The following USP15 variants were observed in gnomAD, a reference collection of about 807,000 sequenced individuals.
USP15 encodes ubiquitin specific peptidase 15, also known as ubiquitin carboxyl-terminal hydrolase 15.
In USP15, 18 loss-of-function variants were observed where a neutral mutation model predicts 127.1. The ratio of observed to expected loss-of-function variants is 0.14; its 90% CI spans 0.10 to 0.21. USP15 has a LOEUF of 0.21. Among genes scored for constraint, USP15 ranks in the 10% least tolerant of loss-of-function variants. The pLI, the probability that USP15 is intolerant of heterozygous loss-of-function variation, is 1.00. For missense variants in USP15, 805 were observed against 1,159.9 expected (o/e 0.69, Z 4.44); for synonymous variants, 364 against 393.7 (o/e 0.92, Z 0.89).
chr12:62,355,601 T>A, intron 8 of USP15, 126 bp downstream of exon 8: 2 of 1,053,026 alleles, frequency 1.9e-6, no homozygotes, highest in Non-Finnish European at 2.6e-6. Context: ...ATGGAAGATT[T>A]AAGCATACAT....
chr12:62,299,947 T>C (rs1020897963), intron 2 of USP15, among the ~76,000 whole-genome samples: 4 of 152,192 alleles, frequency 2.6e-5, no homozygotes, highest in African/African-American at 9.6e-5. Flanking sequence ...GTGCTTGTTA[T>C]ATATCTTTTT....
At chr12:62,281,144 G>A (rs2063634209) in intron 1 of USP15, among the ~76,000 whole-genome samples, 1 of 152,138 alleles carries the variant, frequency 6.6e-6, no homozygotes, top group Admixed American at 6.6e-5. Context: ...TTTCATAGAT[G>A]TAGAAGTATA....
intron 6 of USP15, among the ~76,000 whole-genome samples, chr12:62,338,480 A>T (rs1257573571): frequency 6.6e-6 from 1 of 152,020 alleles, no homozygotes; most frequent in Non-Finnish European, 1.5e-5. Context: ...CTTTAGTTTG[A>T]TTAGATCCCA....
At chr12:62,345,601 G>A (rs552411366) in intron 6 of USP15, among the ~76,000 whole-genome samples, 29 of 152,116 alleles carry the variant, frequency 1.9e-4, no homozygotes, top group African/African-American at 3.6e-4. Flanking sequence ...ACACATTTTC[G>A]GGTATCTTTT....
intron 1 of USP15, among the ~76,000 whole-genome samples, chr12:62,288,805 T>C (rs1199661958): frequency 6.6e-6 from 1 of 152,188 alleles, no homozygotes; most frequent in Non-Finnish European, 1.5e-5. Context: ...TCATGAGATG[T>C]TGAATTTTAC....
At chr12:62,349,343 G>T (rs1565877535) in intron 7 of USP15, 36 bp downstream of exon 7, 3 of 1,375,652 alleles carry the variant, frequency 2.2e-6, no homozygotes, top group South Asian at 1.5e-5. Context: ...TTGTTTAATT[G>T]ATCACCCTAT....
At chr12:62,361,375 C>G (rs1224126694) in intron 8 of USP15, among the ~76,000 whole-genome samples, 1 of 151,970 alleles carries the variant, frequency 6.6e-6, no homozygotes, top group African/African-American at 2.4e-5. Flanking sequence ...ATGTGTTTAT[C>G]TGTCCCTAAT....
At chr12:62,300,261 T>C (rs1488354050) in intron 2 of USP15, among the ~76,000 whole-genome samples, 1 of 152,182 alleles carries the variant, frequency 6.6e-6, no homozygotes, top group Non-Finnish European at 1.5e-5. Context: ...ACATTTTCTT[T>C]TACGAGTTTT....
chr12:62,296,886 C>T (rs1179064155), intron 2 of USP15, among the ~76,000 whole-genome samples: 1 of 152,168 alleles, frequency 6.6e-6, no homozygotes, highest in East Asian at 1.9e-4. Flanking sequence ...CTTCAGTGTA[C>T]TACCCAACAG....
At chr12:62,275,422 A>C (rs1322526952) in intron 1 of USP15, among the ~76,000 whole-genome samples, 1 of 151,916 alleles carries the variant, frequency 6.6e-6, no homozygotes, top group Non-Finnish European at 1.5e-5. Context: ...AAAGAATTAC[A>C]GAGGCTAATT....
chr12:62,368,331 C>T (rs188615744), intron 8 of USP15, among the ~76,000 whole-genome samples: 28 of 152,146 alleles, frequency 1.8e-4, no homozygotes, highest in Admixed American at 7.9e-4. Flanking sequence ...AGGTCTGCTT[C>T]GTCCAGAGCT....
rs1250639430 is a variant in USP15 at position 62,291,136 on chromosome 12, C to G, written c.90-3043C>G. Among the ~76,000 whole-genome samples, 3 of 152,154 alleles carry G rather than the reference C, an allele frequency of 2.0e-5. No homozygotes were observed. In the East Asian group the frequency reaches 5.8e-4, roughly 29 times the overall value. On this transcript the variant is annotated intron_variant, in intron 1 of 21. Coordinates refer to ENST00000280377, the MANE Select transcript of USP15 (RefSeq NM_001252078.2). ...CCTCTTACTCTGGATGTCTAGATCA[C>G]TTGCTGGACAAGAGAAGTTGGTTTT...
At chr12:62,288,106 G>GT (rs1447627441) in intron 1 of USP15, among the ~76,000 whole-genome samples, 1 of 151,970 alleles carries the variant, frequency 6.6e-6, no homozygotes, top group Non-Finnish European at 1.5e-5. Flanking sequence ...TTTTAGAATT[G>GT]TTTTTTCTAA....
In USP15 at chr12:62,389,422, G is replaced by A. The variant is rs1488952281; in HGVS notation, c.1474-9G>A. The A allele has an allele frequency of 1.9e-6, 3 of 1,593,354 alleles. No homozygotes were observed. The highest frequency in any genetic ancestry group is 1.8e-5 in the Admixed American group (1 of 55,034). On this transcript the variant is annotated splice_polypyrimidine_tract_variant and intron_variant, in intron 11 of 21. Transcript: ENST00000280377. ...TAATAAATTCATTACAATTTTTTTT[G>A]TTTTTTAGTACAAAGTGGTTGTCCC...
At chr12:62,359,308 C>T (rs767295774) in intron 8 of USP15, among the ~76,000 whole-genome samples, 1 of 149,678 alleles carries the variant, frequency 6.7e-6, no homozygotes, top group African/African-American at 2.5e-5. Flanking sequence ...TATGGAGTTA[C>T]ACTACTTGGA....
rs1382398500 is a variant in USP15, at chr12:62,391,418, T to C, written c.2222T>C (p.Leu741Pro). ...CATATAAGATTTGATGATAGGCAGC[T>C]TAGGCTAGATGGTAAGTATTTGTGA... ...TRHIRFDDRQ[L>P]RLDERSFLAL... is the part of the protein sequence containing the mutation. The change falls in exon 16 of 22, where the codon CTT (leucine) becomes CCT (proline). Residue 741 changes from leucine to proline, a missense_variant. By Grantham distance (98) the Leu-to-Pro change is moderately conservative. Coordinates refer to ENST00000280377, the MANE Select transcript of USP15 (RefSeq NM_001252078.2). The C allele has an allele frequency of 1.9e-6, 3 of 1,608,276 alleles. No individual in the cohort carries two copies. The South Asian group carries it at 3.3e-5, about 18-fold the overall frequency.
At chr12:62,353,471 G>A (rs549967957) in intron 7 of USP15, among the ~76,000 whole-genome samples, 3 of 150,996 alleles carry the variant, frequency 2.0e-5, no homozygotes, top group African/African-American at 7.3e-5. Flanking sequence ...GTCTTTTCAC[G>A]TGTGTGTGTG....
intron 6 of USP15, among the ~76,000 whole-genome samples, chr12:62,332,210 G>T (rs2065325253): frequency 1.3e-5 from 2 of 150,342 alleles, no homozygotes; most frequent in African/African-American, 2.4e-5. Context: ...TTTTCTACTA[G>T]ATATCAACAA....
intron 8 of USP15, among the ~76,000 whole-genome samples, chr12:62,357,115 C>T (rs1214677703): frequency 6.6e-6 from 1 of 151,860 alleles, no homozygotes; most frequent in East Asian, 1.9e-4. Flanking sequence ...AATATTTCAA[C>T]AACATAGGGA....
Sources: gnomAD v4.1 joint callset for allele counts (sites outside exome capture counted in the v4.1 genomes callset) on GRCh38, gnomAD v4.1.1 for gene constraint, MANE v1.5 for transcripts, NCBI Gene and HGNC (gene_info 2026-07-23, HGNC 2026-07-21) for gene names.